Variants in GDPD5 observed in about 807,000 individuals in gnomAD.
GDPD5 encodes glycerophosphodiester phosphodiesterase 2.
Under a neutral mutation model 75.1 loss-of-function variants are expected in GDPD5, and 48 were observed. That is an observed-to-expected ratio of 0.64 (90% confidence interval 0.51 to 0.81). The LOEUF (loss-of-function observed/expected upper bound fraction) is 0.81. GDPD5 is among the 40% of genes least tolerant of loss of function. The probability of loss-of-function intolerance (pLI) is 0.00; values close to 1 mark genes in which losing one functional copy is unlikely to be tolerated. For missense variants in GDPD5, 706 were observed against 822.6 expected, an observed-to-expected ratio of 0.86 and a Z score of 1.73; for synonymous variants, 336 against 339.0, an observed-to-expected ratio of 0.99 and a Z score of 0.10.
chr11:75,462,711 C>T, intron 4 of GDPD5, 75 bp downstream of exon 4: 1 of 1,162,572 alleles, frequency 8.6e-7, no homozygotes, highest in Non-Finnish European at 1.3e-6. Context: ...CAGGCTCTAA[C>T]TCCAGCCCCC....
At chr11:75,495,638 T>G (rs1253379163) in intron 1 of GDPD5, among the ~76,000 whole-genome samples, 1 of 152,218 alleles carries the variant, frequency 6.6e-6, no homozygotes, top group African/African-American at 2.4e-5. Context: ...TGTACGTATT[T>G]CAATGTACAT....
chr11:75,438,875 A>G (rs1388936022), intron 15 of GDPD5: 3 of 173,186 alleles, frequency 1.7e-5, no homozygotes, highest in Non-Finnish European at 3.7e-5. Flanking sequence ...TGGGAGAGGC[A>G]GAGAAAGGTA....
At chr11:75,509,484 C>A (rs1950470897) in intron 1 of GDPD5, among the ~76,000 whole-genome samples, 2 of 152,142 alleles carry the variant, frequency 1.3e-5, no homozygotes, top group Non-Finnish European at 2.9e-5. Flanking sequence ...AGGTGAGTGG[C>A]CCAGAGGCTT....
chr11:75,438,761 C>T (rs1948697171), intron 15 of GDPD5: 1 of 153,836 alleles, frequency 6.5e-6, no homozygotes, highest in Non-Finnish European at 1.4e-5. Context: ...GAAGCTCAGC[C>T]ACTGTGGGGT....
chr11:75,495,022 C>T (rs1950184839), intron 1 of GDPD5, among the ~76,000 whole-genome samples: 1 of 151,948 alleles, frequency 6.6e-6, no homozygotes, highest in Non-Finnish European at 1.5e-5. Flanking sequence ...AATCTCAGCA[C>T]TTTGGGAGAC....
At chr11:75,501,462 A>G (rs1793397) in intron 1 of GDPD5, among the ~76,000 whole-genome samples, 124,768 of 152,246 alleles carry the variant, frequency 0.82, 51,854 homozygotes, top group East Asian at 0.97. Flanking sequence ...ACATGGAGCC[A>G]TACAAAGACA....
intron 11 of GDPD5, chr11:75,442,835 G>C: frequency 8.3e-6 from 5 of 602,694 alleles, no homozygotes; most frequent in Non-Finnish European, 1.5e-5. Flanking sequence ...TCTCCTTCTA[G>C]AGCATTTCAG....
At chr11:75,453,875 C>A (rs1419819746) in intron 6 of GDPD5, among the ~76,000 whole-genome samples, 3 of 151,894 alleles carry the variant, frequency 2.0e-5, no homozygotes, top group South Asian at 4.1e-4. Context: ...AAAATAGCTT[C>A]CAAAAAGAGA....
chr11:75,480,270 G>A (rs1014755094), intron 2 of GDPD5, among the ~76,000 whole-genome samples: 2 of 151,902 alleles, frequency 1.3e-5, no homozygotes, highest in Admixed American at 6.6e-5. Context: ...GGGAGGCAGA[G>A]GTTGTCAAGA....
intron 2 of GDPD5, chr11:75,485,618 G>A (rs1208944226): frequency 6.6e-6 from 1 of 152,190 alleles, no homozygotes; most frequent in African/African-American, 2.4e-5. Flanking sequence ...ATGGAGGAGG[G>A]AGGATTTGAA....
At chr11:75,462,739 T>C (rs558162844) in intron 4 of GDPD5, 47 bp downstream of exon 4, 2 of 1,437,832 alleles carry the variant, frequency 1.4e-6, no homozygotes, top group Admixed American at 3.5e-5. Context: ...AGCTACTGGA[T>C]ACCCAGCTCT....
rs1034571606 is a variant in GDPD5, at chr11:75,525,644, C to T, written c.-579G>A. 7 of 151,618 alleles carry T rather than the reference C, an allele frequency of 4.6e-5. No homozygotes were observed. In the South Asian group the frequency reaches 1.5e-3, roughly 31 times the overall value. 9.4% of individuals were successfully genotyped at this position (151,618 alleles called of 1,614,324 possible). On this transcript the variant is annotated 5_prime_UTR_variant, in exon 1 of 17. Transcript: ENST00000336898. ...GGCGCAGCGGGTCAGGGCCGGGGCT[C>T]CGCGCGTCCCGGCCGCACGCCCCGA... is the stretch of plus-strand genomic sequence containing the variant.
chr11:75,511,302 G>A (rs1017467325), intron 1 of GDPD5, among the ~76,000 whole-genome samples: 2 of 152,188 alleles, frequency 1.3e-5, no homozygotes, highest in Non-Finnish European at 2.9e-5. Context: ...AAAACAGCAA[G>A]GTCAGGGTTT....
chr11:75,436,081 C>A (rs1463838326), intron 16 of GDPD5, among the ~76,000 whole-genome samples: 1 of 152,206 alleles, frequency 6.6e-6, no homozygotes, highest in African/African-American at 2.4e-5. Flanking sequence ...CTCATGGCAA[C>A]TCCAGACCCT....
At chr11:75,440,112 T>C in intron 14 of GDPD5, 151 bp from the exon 15 acceptor site, 1 of 614,826 alleles carries the variant, frequency 1.6e-6, no homozygotes, top group Non-Finnish European at 2.9e-6. Flanking sequence ...AAGATGACAT[T>C]TTGCAGGTGT....
At chr11:75,456,841 T>G (rs1949295711) in intron 5 of GDPD5, 25 bp from the exon 6 acceptor site, 19 of 1,612,388 alleles carry the variant, frequency 1.2e-5, no homozygotes, top group Non-Finnish European at 1.4e-5. Context: ...ACAGGGTGAT[T>G]GTCAGGCCCG....
chr11:75,437,188 G>T, intron 15 of GDPD5, 140 bp from the exon 16 acceptor site: 1 of 630,504 alleles, frequency 1.6e-6, no homozygotes, highest in Non-Finnish European at 2.8e-6. Context: ...GGGGAAATAG[G>T]CCCAGAGAGG....
chr11:75,478,097 C>A (rs1337903631), intron 2 of GDPD5, among the ~76,000 whole-genome samples: 2 of 152,184 alleles, frequency 1.3e-5, no homozygotes, highest in African/African-American at 4.8e-5. Flanking sequence ...CCCTTAGAAA[C>A]CTGCATGGCT....
At chr11:75,503,545 C>T (rs1166725037) in intron 1 of GDPD5, among the ~76,000 whole-genome samples, 5 of 152,212 alleles carry the variant, frequency 3.3e-5, no homozygotes, top group Non-Finnish European at 7.3e-5. Flanking sequence ...CACTGCTATG[C>T]CATACTGACT....
Sources: allele counts gnomAD v4.1 joint callset (sites outside exome capture counted in the v4.1 genomes callset), GRCh38; gene constraint gnomAD v4.1.1; transcripts MANE v1.5; gene names NCBI Gene and HGNC (gene_info 2026-07-23, HGNC 2026-07-21).